The following ASIC2 variants were observed in gnomAD, a reference collection of about 807,000 sequenced individuals.
ASIC2 encodes the protein acid-sensing ion channel 2.
In ASIC2, 25 loss-of-function variants were observed where a neutral mutation model predicts 57.3. That is an observed-to-expected ratio of 0.44 (90% CI 0.32 to 0.61). The LOEUF (loss-of-function observed/expected upper bound fraction) is 0.61, where lower values mean the gene tolerates loss of function less well. Among genes scored for constraint, ASIC2 ranks in the 20% least tolerant of loss-of-function variants. The pLI is 0.06. For synonymous variants in ASIC2, 319 were observed against 307.5 expected, an observed-to-expected ratio of 1.04 and a Z score of -0.39; for missense variants, 641 against 738.1, an observed-to-expected ratio of 0.87 and a Z score of 1.52.
intron 1 of ASIC2, among the ~76,000 whole-genome samples, chr17:33,682,724 T>C (rs182535020): frequency 6.7e-4 from 100 of 149,582 alleles, no homozygotes; most frequent in Non-Finnish European, 6.0e-5. Flanking sequence ...CTTGGGATAT[T>C]AAAAAAAAAA....
intron 7 of ASIC2, 133 bp from the exon 8 acceptor site, chr17:33,017,817 C>T: frequency 1.3e-6 from 1 of 764,174 alleles, no homozygotes; most frequent in South Asian, 1.8e-5. Context: ...TGTGGGAGGT[C>T]CAGGCCTTTG....
intron 1 of ASIC2, among the ~76,000 whole-genome samples, chr17:34,117,108 C>A (rs1397114605): frequency 6.6e-6 from 1 of 151,698 alleles, no homozygotes; most frequent in African/African-American, 2.4e-5. Flanking sequence ...ACTGTTTTCC[C>A]CAGATTCATC....
chr17:33,901,944 C>T (rs1431503420), intron 1 of ASIC2, among the ~76,000 whole-genome samples: 1 of 152,170 alleles, frequency 6.6e-6, no homozygotes. Flanking sequence ...TAGATTTTCT[C>T]ACTTGGCAAC....
chr17:33,134,745 G>A (rs1392037507), intron 1 of ASIC2, among the ~76,000 whole-genome samples: 2 of 152,206 alleles, frequency 1.3e-5, no homozygotes, highest in African/African-American at 2.4e-5. Context: ...CCACTTGGCT[G>A]GGGAGGGCTC....
At chr17:33,032,440 G>GTTTTTTTTTTTTTTTTTT (rs60183644) in intron 3 of ASIC2, among the ~76,000 whole-genome samples, 5 of 94,116 alleles carry the variant, frequency 5.3e-5, no homozygotes, top group African/African-American at 1.4e-4. Flanking sequence ...ATAATACACT[G>GTTTTTTTTTTTTTTTTTT]TTTTTTTTTT....
intron 1 of ASIC2, among the ~76,000 whole-genome samples, chr17:33,192,527 A>T (rs902991428): frequency 6.6e-6 from 1 of 152,230 alleles, no homozygotes; most frequent in Non-Finnish European, 1.5e-5. Flanking sequence ...AGGACTATTG[A>T]CATCCCCTGC....
intron 1 of ASIC2, among the ~76,000 whole-genome samples, chr17:33,958,823 T>G (rs1166597158): frequency 1.3e-5 from 2 of 152,202 alleles, no homozygotes; most frequent in Admixed American, 1.3e-4. Context: ...CCCCAGAAGA[T>G]GGGTTTTTCT....
At chr17:33,150,028 C>T (rs1189353080) in intron 1 of ASIC2, among the ~76,000 whole-genome samples, 2 of 152,180 alleles carry the variant, frequency 1.3e-5, no homozygotes, top group African/African-American at 2.4e-5. Context: ...TTCAGATGCT[C>T]ATTAATTCTG....
At chr17:34,068,146 T>C (rs1475336108) in intron 1 of ASIC2, among the ~76,000 whole-genome samples, 5 of 152,190 alleles carry the variant, frequency 3.3e-5, no homozygotes, top group Admixed American at 1.3e-4. Context: ...CGGGTAGGTG[T>C]GGAGGACAGC....
At chr17:33,662,174 A>G (rs1434320940) in intron 1 of ASIC2, among the ~76,000 whole-genome samples, 2 of 152,306 alleles carry the variant, frequency 1.3e-5, no homozygotes, top group East Asian at 3.9e-4. Context: ...CAGAGAAGCT[A>G]AGCCACTTGC....
chr17:33,112,848 C>G (rs1052906008), intron 1 of ASIC2: 1 of 152,200 alleles, frequency 6.6e-6, no homozygotes, highest in African/African-American at 2.4e-5. Context: ...AATGCAAACC[C>G]TATCACATTA....
chr17:33,750,915 C>T (rs867789372), intron 1 of ASIC2, among the ~76,000 whole-genome samples: 1 of 152,096 alleles, frequency 6.6e-6, no homozygotes, highest in South Asian at 2.1e-4. Flanking sequence ...TTGGAGAGAT[C>T]CCCAGGCAAG....
chr17:33,924,564 T>A (rs2141967317), intron 1 of ASIC2, among the ~76,000 whole-genome samples: 1 of 152,280 alleles, frequency 6.6e-6, no homozygotes, highest in South Asian at 2.1e-4. Context: ...CTCCCAAAAT[T>A]CTATTTCCCC....
chr17:33,669,954 TGAGA>T (rs1362518427), intron 1 of ASIC2, among the ~76,000 whole-genome samples: 1 of 152,060 alleles, frequency 6.6e-6, no homozygotes, highest in Non-Finnish European at 1.5e-5. Flanking sequence ...CTGAAAAGGT[TGAGA>T]GATTTTAAGG....
chr17:33,954,948 C>G (rs1904687601), intron 1 of ASIC2: 1 of 152,188 alleles, frequency 6.6e-6, no homozygotes, highest in Non-Finnish European at 1.5e-5. Flanking sequence ...AAGAGTATTA[C>G]ACTGAGTACT....
At chr17:33,552,674 A>C (rs1016364246) in intron 1 of ASIC2, among the ~76,000 whole-genome samples, 7 of 152,238 alleles carry the variant, frequency 4.6e-5, no homozygotes, top group Non-Finnish European at 1.0e-4. Flanking sequence ...CTTCTTGTTC[A>C]TCATAGATAC....
chr17:33,279,681 A>C (rs1309752340), intron 1 of ASIC2, among the ~76,000 whole-genome samples: 2 of 152,174 alleles, frequency 1.3e-5, no homozygotes, highest in African/African-American at 4.8e-5. Context: ...TGAGCTCAGG[A>C]GTTCTACACC....
At chr17:33,831,989 T>C (rs1296535593) in intron 1 of ASIC2, among the ~76,000 whole-genome samples, 1 of 152,200 alleles carries the variant, frequency 6.6e-6, no homozygotes, top group Non-Finnish European at 1.5e-5. Flanking sequence ...TTCTCTTGTC[T>C]CCAAAGTATT....
chr17:33,324,170 G>A (rs1371872155), intron 1 of ASIC2, among the ~76,000 whole-genome samples: 2 of 152,140 alleles, frequency 1.3e-5, no homozygotes, highest in African/African-American at 4.8e-5. Flanking sequence ...TGAGAGGTTT[G>A]GTGCCCTTGT....
Sources: allele counts gnomAD v4.1 joint callset (sites outside exome capture counted in the v4.1 genomes callset), GRCh38; gene constraint gnomAD v4.1.1; transcripts MANE v1.5; gene names NCBI Gene and HGNC (gene_info 2026-07-23, HGNC 2026-07-21).